The following SOBP variants were observed in gnomAD, a reference collection of about 807,000 sequenced individuals.
SOBP encodes the protein sine oculis-binding protein homolog.
In SOBP, 4 loss-of-function variants were observed where a neutral mutation model predicts 53.6. That is an observed-to-expected ratio of 0.07 (90% CI 0.04 to 0.17). The LOEUF is 0.17. Ranked by LOEUF, SOBP falls within the 10% of genes least tolerant of loss-of-function variation. The pLI, the probability that SOBP is intolerant of heterozygous loss-of-function variation, is 1.00. For synonymous variants in SOBP, 584 were observed against 522.6 expected (o/e 1.12, Z -1.60); for missense variants, 1,088 against 1,204.7 (o/e 0.90, Z 1.43).
intron 4 of SOBP, among the ~76,000 whole-genome samples, chr6:107,538,264 T>C (rs1355954595): frequency 6.6e-6 from 1 of 152,214 alleles, no homozygotes; most frequent in Non-Finnish European, 1.5e-5. Context: ...TAGAACCAAG[T>C]AGTACAGAAG....
At chr6:107,617,845 T>C (rs966223285) in intron 5 of SOBP, among the ~76,000 whole-genome samples, 52 of 133,730 alleles carry the variant, frequency 3.9e-4, no homozygotes, top group African/African-American at 1.3e-3. Context: ...TTTTTTTTTT[T>C]CTGAGACGGA....
At chr6:107,539,938 C>T (rs1462842855) in intron 4 of SOBP, among the ~76,000 whole-genome samples, 1 of 152,150 alleles carries the variant, frequency 6.6e-6, no homozygotes, top group Non-Finnish European at 1.5e-5. Context: ...TGTTGTGAGA[C>T]TTTATTAATA....
intron 3 of SOBP, among the ~76,000 whole-genome samples, chr6:107,521,151 G>T (rs1783474511): frequency 6.7e-6 from 1 of 148,234 alleles, no homozygotes; most frequent in African/African-American, 2.5e-5. Flanking sequence ...CCACTGGGAG[G>T]TAGAGATATT....
intron 5 of SOBP, 73 bp from the exon 6 acceptor site, chr6:107,633,441 G>C: frequency 6.3e-7 from 1 of 1,589,926 alleles, no homozygotes; most frequent in Admixed American, 1.7e-5. Context: ...ACCTTTATGT[G>C]AAACACGAAA....
intron 4 of SOBP, among the ~76,000 whole-genome samples, chr6:107,566,619 C>T (rs576760124): frequency 1.4e-4 from 21 of 152,316 alleles, no homozygotes; most frequent in African/African-American, 5.1e-4. Context: ...ATGTTTTTCT[C>T]GCCATCGACC....
intron 5 of SOBP, among the ~76,000 whole-genome samples, chr6:107,595,650 C>T (rs1238214090): frequency 6.6e-6 from 1 of 152,038 alleles, no homozygotes; most frequent in East Asian, 1.9e-4. Context: ...TATTAAAATG[C>T]ACCAGTAACC....
chr6:107,614,105 A>T (rs138624194), intron 5 of SOBP, among the ~76,000 whole-genome samples: 154 of 152,346 alleles, frequency 1.0e-3, no homozygotes, highest in African/African-American at 3.3e-3. Flanking sequence ...TGATGCCTTA[A>T]GTACAGTAGG....
At chr6:107,551,523 T>C (rs939326914) in intron 4 of SOBP, among the ~76,000 whole-genome samples, 2 of 152,188 alleles carry the variant, frequency 1.3e-5, no homozygotes, top group Non-Finnish European at 2.9e-5. Flanking sequence ...CATACAATTA[T>C]GTCACAGCTA....
At chr6:107,507,745 C>T (rs1288117935) in intron 3 of SOBP, among the ~76,000 whole-genome samples, 1 of 152,168 alleles carries the variant, frequency 6.6e-6, no homozygotes, top group Non-Finnish European at 1.5e-5. Context: ...ATATCTTCTC[C>T]AACAGAGTGT....
chr6:107,640,988 G>A (rs1306406704), intron 6 of SOBP, among the ~76,000 whole-genome samples: 1 of 152,164 alleles, frequency 6.6e-6, no homozygotes, highest in Non-Finnish European at 1.5e-5. Flanking sequence ...AACTCCCCCT[G>A]AAATTTCATG....
At chr6:107,559,849 T>G (rs1784724646) in intron 4 of SOBP, among the ~76,000 whole-genome samples, 1 of 152,234 alleles carries the variant, frequency 6.6e-6, no homozygotes, top group Admixed American at 6.5e-5. Flanking sequence ...TAGACTCTTA[T>G]AATCTAAAGT....
intron 5 of SOBP, among the ~76,000 whole-genome samples, chr6:107,591,396 A>G (rs1785742194): frequency 6.6e-6 from 1 of 152,228 alleles, no homozygotes; most frequent in Admixed American, 6.5e-5. Flanking sequence ...GCACTAGCAA[A>G]GTTCTTGGAG....
At chr6:107,549,993 G>A (rs1321611576) in intron 4 of SOBP, among the ~76,000 whole-genome samples, 2 of 152,294 alleles carry the variant, frequency 1.3e-5, no homozygotes, top group Non-Finnish European at 2.9e-5. Context: ...GGGAAGCCTG[G>A]CACCCATGGG....
At chr6:107,532,167 G>T (rs1428165646) in intron 3 of SOBP, among the ~76,000 whole-genome samples, 1 of 151,494 alleles carries the variant, frequency 6.6e-6, no homozygotes, top group African/African-American at 2.4e-5. Flanking sequence ...TTCATGTCTG[G>T]AGCATGAATG....
chr6:107,533,462 A>G lies in SOBP; in HGVS notation c.425A>G (p.Asp142Gly), dbSNP rs750976183. 4 of 1,614,062 alleles carry G rather than the reference A, an allele frequency of 2.5e-6. No homozygotes were observed. The highest frequency in any genetic ancestry group is 3.4e-6 in the Non-Finnish European group (4 of 1,179,978). Residue 142 changes from aspartate to glycine, a missense_variant, in exon 4 of 7, where the codon GAT (aspartate) becomes GGT (glycine). Around this residue, in one of 6 missense-constraint regions of SOBP, gnomAD observed 112 missense variants for 117.9 expected, o/e 0.95. Coordinates refer to ENST00000317357, the MANE Select transcript of SOBP (RefSeq NM_018013.4). ...PPPFIKPPAEDDVSNVQIMCA... is the reference protein window; with the variant it reads ...PPPFIKPPAEGDVSNVQIMCA... ...TTTTCTTATACTTTTATTATAGAAG[A>G]TGATGTGTCAAATGTACAAATAATG... is the stretch of plus-strand genomic sequence containing the variant.
chr6:107,603,825 C>T (rs1393890809), intron 5 of SOBP, among the ~76,000 whole-genome samples: 1 of 152,174 alleles, frequency 6.6e-6, no homozygotes, highest in Non-Finnish European at 1.5e-5. Context: ...CCCAAATCCC[C>T]AGCCCCTGCA....
chr6:107,603,858 G>T (rs772034446), intron 5 of SOBP, among the ~76,000 whole-genome samples: 24 of 152,138 alleles, frequency 1.6e-4, no homozygotes, highest in Non-Finnish European at 3.4e-4. Flanking sequence ...AAACGAAGGG[G>T]AAGGAAATAA....
chr6:107,622,359 T>C (rs763666389), intron 5 of SOBP, among the ~76,000 whole-genome samples: 101 of 152,296 alleles, frequency 6.6e-4, no homozygotes, highest in Non-Finnish European at 1.2e-3. Context: ...CTTTCAACTA[T>C]TAGGTGGCTA....
intron 2 of SOBP, 60 bp downstream of exon 2, chr6:107,503,855 A>G: frequency 6.3e-7 from 1 of 1,599,900 alleles, no homozygotes; most frequent in South Asian, 1.1e-5. Context: ...TCAACCTGCC[A>G]GAATTGAGTT....
Sources: gnomAD v4.1 joint callset for allele counts (sites outside exome capture counted in the v4.1 genomes callset) on GRCh38, gnomAD v4.1.1 for gene constraint, gnomAD v4.1.1 regional missense constraint, MANE v1.5 for transcripts, NCBI Gene and HGNC (gene_info 2026-07-23, HGNC 2026-07-21) for gene names.